The following ZNF385B variants were observed in gnomAD, a reference collection of about 807,000 sequenced individuals.
ZNF385B encodes zinc finger protein 385B.
Under a neutral mutation model 39.2 loss-of-function variants are expected in ZNF385B, and 23 were observed. The ratio of observed to expected loss-of-function variants is 0.59; its 90% confidence interval spans 0.42 to 0.83. The LOEUF (loss-of-function observed/expected upper bound fraction) is 0.83, where lower values mean the gene tolerates loss of function less well. Among genes scored for constraint, ZNF385B ranks in the 40% least tolerant of loss-of-function variants. The pLI, the probability that ZNF385B is intolerant of heterozygous loss-of-function variation, is 0.00. For synonymous variants in ZNF385B, 205 were observed against 222.6 expected, an observed-to-expected ratio of 0.92 and a Z score of 0.70; for missense variants, 552 against 598.9, an observed-to-expected ratio of 0.92 and a Z score of 0.82.
intron 3 of ZNF385B, among the ~76,000 whole-genome samples, chr2:179,671,731 C>T (rs1028387471): frequency 6.6e-6 from 1 of 152,230 alleles, no homozygotes; most frequent in Non-Finnish European, 1.5e-5. Context: ...CACCTGCACT[C>T]CACTCTCTGA....
At chr2:179,601,806 G>A (rs562835480) in intron 3 of ZNF385B, among the ~76,000 whole-genome samples, 4 of 152,120 alleles carry the variant, frequency 2.6e-5, no homozygotes, top group Non-Finnish European at 4.4e-5. Flanking sequence ...ACACTAAAAT[G>A]TAATGATCAA....
chr2:179,767,075 C>T (rs1703744047), intron 3 of ZNF385B, among the ~76,000 whole-genome samples: 1 of 152,136 alleles, frequency 6.6e-6, no homozygotes, highest in South Asian at 2.1e-4. Context: ...ACAATCTTGC[C>T]AGGACTAACA....
At chr2:179,569,563 T>C (rs1234746366) in intron 3 of ZNF385B, among the ~76,000 whole-genome samples, 1 of 152,190 alleles carries the variant, frequency 6.6e-6, no homozygotes, top group Non-Finnish European at 1.5e-5. Flanking sequence ...TAAGATAGCA[T>C]ATCTTAAAAT....
chr2:179,749,277 T>C (rs2106465784), intron 3 of ZNF385B, among the ~76,000 whole-genome samples: 1 of 152,172 alleles, frequency 6.6e-6, no homozygotes, highest in South Asian at 2.1e-4. Flanking sequence ...CAGTGCAGGC[T>C]CACCAGAGGG....
chr2:179,676,556 A>C (rs1376831581), intron 3 of ZNF385B, among the ~76,000 whole-genome samples: 3 of 152,192 alleles, frequency 2.0e-5, no homozygotes, highest in Non-Finnish European at 4.4e-5. Flanking sequence ...TTGAGTTCTG[A>C]AAAGATCATT....
intron 3 of ZNF385B, among the ~76,000 whole-genome samples, chr2:179,660,793 C>A (rs933304201): frequency 6.6e-6 from 1 of 151,858 alleles, no homozygotes; most frequent in African/African-American, 2.4e-5. Context: ...TTGTCTGGGC[C>A]CAAAAGAAGA....
At chr2:179,530,944 T>C (rs966764964) in intron 4 of ZNF385B, among the ~76,000 whole-genome samples, 5 of 151,966 alleles carry the variant, frequency 3.3e-5, no homozygotes, top group Admixed American at 3.3e-4. Flanking sequence ...ATTTTCAAAC[T>C]TCAAAAAAAA....
chr2:179,510,986 C>T (rs1054631783), intron 5 of ZNF385B, among the ~76,000 whole-genome samples: 2 of 152,186 alleles, frequency 1.3e-5, no homozygotes, highest in Non-Finnish European at 2.9e-5. Context: ...TCAGAAAACC[C>T]AAGTGGGTAC....
intron 1 of ZNF385B, among the ~76,000 whole-genome samples, chr2:179,818,423 T>C (rs866143531): frequency 6.6e-6 from 1 of 152,208 alleles, no homozygotes; most frequent in South Asian, 2.1e-4. Flanking sequence ...TAACCTGATA[T>C]AATTAACTAA....
chr2:179,753,730 C>T, intron 3 of ZNF385B, among the ~76,000 whole-genome samples: 1 of 151,832 alleles, frequency 6.6e-6, no homozygotes, highest in East Asian at 1.9e-4. Flanking sequence ...TGATTTGGCT[C>T]TCTGTCTGTT....
At chr2:179,843,804 G>A (rs992533167) in intron 1 of ZNF385B, among the ~76,000 whole-genome samples, 8 of 152,356 alleles carry the variant, frequency 5.3e-5, no homozygotes, top group Admixed American at 2.0e-4. Context: ...GCAGGGCCTG[G>A]AGACTGGACT....
intron 3 of ZNF385B, among the ~76,000 whole-genome samples, chr2:179,683,801 T>G (rs145451043): frequency 0.035 from 5,281 of 152,272 alleles, 116 homozygotes; most frequent in Middle Eastern, 0.078. Context: ...ACAACAAAAC[T>G]GCATTACTGT....
intron 3 of ZNF385B, among the ~76,000 whole-genome samples, chr2:179,692,086 C>T (rs1698398546): frequency 6.6e-6 from 1 of 152,028 alleles, no homozygotes; most frequent in Non-Finnish European, 1.5e-5. Flanking sequence ...ATTGTACTAC[C>T]AAACACTAGA....
At chr2:179,474,412 A>G (rs180798398) in intron 6 of ZNF385B, among the ~76,000 whole-genome samples, 6 of 152,330 alleles carry the variant, frequency 3.9e-5, no homozygotes, top group Admixed American at 3.3e-4. Context: ...TAACATAATT[A>G]GTATGTTACT....
At chr2:179,796,558 TCCC>T (rs1427315920) in intron 1 of ZNF385B, among the ~76,000 whole-genome samples, 1 of 152,088 alleles carries the variant, frequency 6.6e-6, no homozygotes, top group African/African-American at 2.4e-5. Context: ...TGCTTTCTTT[TCCC>T]CCCATCTTGT....
chr2:179,775,080 G>A (rs537086931), intron 1 of ZNF385B, among the ~76,000 whole-genome samples: 1 of 152,214 alleles, frequency 6.6e-6, no homozygotes, highest in South Asian at 2.1e-4. Flanking sequence ...GCAAAGGGAG[G>A]CAAAAAGTTG....
intron 3 of ZNF385B, among the ~76,000 whole-genome samples, chr2:179,644,143 G>A (rs937013093): frequency 4.0e-5 from 6 of 151,868 alleles, no homozygotes; most frequent in Non-Finnish European, 7.4e-5. Context: ...CTTCCAGTTT[G>A]GCTTCTAACT....
chr2:179,514,179 C>T (rs897254913), intron 5 of ZNF385B: 1 of 152,414 alleles, frequency 6.6e-6, no homozygotes, highest in Admixed American at 6.6e-5. Context: ...AAGGGAAAAT[C>T]CATTTCTTTG....
chr2:179,493,568 T>C (rs1345905178), intron 5 of ZNF385B, among the ~76,000 whole-genome samples: 1 of 126,680 alleles, frequency 7.9e-6, no homozygotes, highest in South Asian at 2.7e-4. Flanking sequence ...CATATATGCG[T>C]ATACATATGT....
Sources: gnomAD v4.1 joint callset for allele counts (sites outside exome capture counted in the v4.1 genomes callset) on GRCh38, gnomAD v4.1.1 for gene constraint, MANE v1.5 for transcripts, NCBI Gene and HGNC (gene_info 2026-07-23, HGNC 2026-07-21) for gene names.